The following FAM149A variants were observed in gnomAD, a reference collection of about 807,000 sequenced individuals.
FAM149A encodes protein FAM149A.
A neutral mutation model predicts 78.2 loss-of-function variants in FAM149A; 71 were observed. That is an observed-to-expected ratio of 0.91 (90% CI 0.75 to 1.11). The LOEUF is 1.11. FAM149A is among the 50% of genes least tolerant of loss of function. The probability of loss-of-function intolerance (pLI) is 0.00; values close to 1 mark genes in which losing one functional copy is unlikely to be tolerated. For synonymous variants in FAM149A, 446 were observed against 410.5 expected (o/e 1.09, Z -1.04); for missense variants, 1,036 against 971.0 (o/e 1.07, Z -0.89).
chr4:186,162,297 G>C (rs995970448), intron 8 of FAM149A, among the ~76,000 whole-genome samples: 1 of 152,234 alleles, frequency 6.6e-6, no homozygotes, highest in East Asian at 1.9e-4. Context: ...AGAGAACCCA[G>C]GCAAGTGTGG....
intron 1 of FAM149A, chr4:186,109,432 C>T (rs1238848829): frequency 4.2e-6 from 4 of 962,826 alleles, no homozygotes; most frequent in African/African-American, 3.5e-5. Flanking sequence ...GGACTTATCT[C>T]GATTCCTCTG....
intron 8 of FAM149A, among the ~76,000 whole-genome samples, chr4:186,161,694 A>G (rs1395229641): frequency 6.6e-6 from 1 of 152,092 alleles, no homozygotes; most frequent in Non-Finnish European, 1.5e-5. Flanking sequence ...CTTTGTTTGG[A>G]TAAATGTTAA....
chr4:186,149,931 G>T (rs1211825737), intron 3 of FAM149A, among the ~76,000 whole-genome samples: 2 of 152,146 alleles, frequency 1.3e-5, no homozygotes, highest in Non-Finnish European at 1.5e-5. Context: ...TTAGCTGCCC[G>T]CAGTTTTCTT....
chr4:186,124,558 T>C (rs13132790), intron 1 of FAM149A, among the ~76,000 whole-genome samples: 74,206 of 151,446 alleles, frequency 0.49, 18,352 homozygotes, highest in Admixed American at 0.53. Context: ...ATGATGGTTT[T>C]CAGCGTCATC....
chr4:186,174,524 T>G lies in FAM149A; in HGVS notation c.*2537T>G, dbSNP rs1320834785. 1.8e-5 allele frequency among the ~76,000 whole-genome samples: 2 copies of G among 111,822 alleles called. 1 individual carries two copies. The highest frequency in any genetic ancestry group is 4.4e-4 in the East Asian group (2 of 4,530). 73.4% of individuals were successfully genotyped at this position (111,822 alleles called of 152,430 possible). On this transcript the variant is annotated 3_prime_UTR_variant, in exon 14 of 14. Transcript: ENST00000389354. ...AAAATGTTTTTTCTTTGAAAACCAC[T>G]GAATATACTTTATGGTAGCTTTACC...
chr4:186,136,955 TC>T (rs1579837513), intron 1 of FAM149A, among the ~76,000 whole-genome samples: 7 of 105,584 alleles, frequency 6.6e-5, no homozygotes, highest in East Asian at 2.6e-4. Flanking sequence ...TCTCTCTCTC[TC>T]TCTCTCTTTC....
intron 1 of FAM149A, among the ~76,000 whole-genome samples, chr4:186,124,525 G>A (rs922671011): frequency 1.3e-5 from 2 of 149,828 alleles, no homozygotes; most frequent in African/African-American, 4.9e-5. Context: ...TTGGGTTTCT[G>A]TCCTTGTGAC....
At position 186,174,455 on chromosome 4, in the gene FAM149A, C is replaced by G. The variant is rs1032649752; in HGVS notation, c.*2468C>G. ...TCAAGCTTCGTAGTAGGGAAAACAC[C>G]GGATATTCAGTCTAAACTAACATTA... On this transcript the variant is annotated 3_prime_UTR_variant, in exon 14 of 14. Transcript: ENST00000389354. 3.6e-5 allele frequency among the ~76,000 whole-genome samples: 4 copies of G among 111,494 alleles called. 1 individual carries two copies. The highest frequency in any genetic ancestry group is 4.5e-4 in the East Asian group (2 of 4,492). 73.1% of individuals were successfully genotyped at this position (111,494 alleles called of 152,430 possible).
At chr4:186,127,174 C>T in intron 1 of FAM149A, 1 of 981,014 alleles carries the variant, frequency 1.0e-6, no homozygotes, top group Non-Finnish European at 1.2e-6. Flanking sequence ...CTCTCGCCAA[C>T]TCCACCCTGA....
Position 186,153,819 on chromosome 4 carries a change from G to A in FAM149A, c.1058+49G>A, listed in dbSNP as rs762550860. ...AAAAAGTATTGTTAGCTGTATTTTA[G>A]TTATACTTTTTCATGTTTATCTCAT... On this transcript the variant is annotated intron_variant, in intron 5 of 13. Coordinates refer to ENST00000389354, the MANE Select transcript of FAM149A (RefSeq NM_001367768.3). 6 of 1,555,906 alleles carry A rather than the reference G, an allele frequency of 3.9e-6. No individual in the cohort carries two copies. In the South Asian group the frequency reaches 7.0e-5, roughly 18 times the overall value.
rs751842987 is a variant in FAM149A, at chr4:186,156,172, T to C, written c.1402T>C (p.Trp468Arg). The stretch of plus-strand genomic sequence containing the variant: ...TTTGGAAGAGCTGATTAGAAAACAC[T>C]GGGAAACTACACTCACAGGTACTTA... The change falls in exon 7 of 14, where the codon TGG (tryptophan) becomes CGG (arginine). Residue 468 changes from tryptophan (W) to arginine (R), a missense_variant. Physicochemically the swap from Trp to Arg is moderately radical, Grantham distance 101 (BLOSUM62 -3). Transcript: ENST00000389354. 3 of 1,612,534 alleles carry C rather than the reference T, an allele frequency of 1.9e-6. No individual in the cohort carries two copies. The highest frequency in any genetic ancestry group is 1.3e-5 in the African/African-American group (1 of 74,850).
At chr4:186,145,771 A>T (rs1261103580) in intron 1 of FAM149A, among the ~76,000 whole-genome samples, 1 of 152,334 alleles carries the variant, frequency 6.6e-6, no homozygotes, top group South Asian at 2.1e-4. Context: ...TAGAACTTGC[A>T]TGTCTATGTT....
At position 186,136,964 on chromosome 4, in the gene FAM149A, T is replaced by TTCTCTCTCTCTCTCTCTC. The variant is rs1386094089; in HGVS notation, c.567-12198_567-12197insCTCTCTCTCTCTCTCTCT. On this transcript the variant is annotated intron_variant, in intron 1 of 13. Transcript: ENST00000389354. ...TCTCTCTCTCTCTCTCTCTCTCTCTTTCTCTCTCTCTTTCTCTCTCTCTCT... is the reference window on the plus strand; with the variant it reads ...TCTCTCTCTCTCTCTCTCTCTCTCTTTCTCTCTCTCTCTCTCTCTCTCTCTCTCTTTCTCTCTCTCTCT... Among the ~76,000 whole-genome samples, 7 of 97,110 alleles carry TTCTCTCTCTCTCTCTCTC rather than the reference T, an allele frequency of 7.2e-5. 1 individual carries two copies. The highest frequency in any genetic ancestry group is 1.8e-4 in the African/African-American group (4 of 22,496). 63.7% of individuals were successfully genotyped at this position (97,110 alleles called of 152,430 possible). A position where few individuals can be genotyped will look rare whatever the true frequency, so the allele number is the denominator to read the frequency against.
intron 8 of FAM149A, chr4:186,158,583 C>A: frequency 9.2e-7 from 1 of 1,085,700 alleles, no homozygotes; most frequent in Non-Finnish European, 1.1e-6. Flanking sequence ...TGCTCCAGTG[C>A]CTGCTGAGCA....
chr4:186,136,704 T>C (rs887493439), intron 1 of FAM149A, among the ~76,000 whole-genome samples: 5 of 152,222 alleles, frequency 3.3e-5, no homozygotes, highest in African/African-American at 1.2e-4. Context: ...GTCCTGATAA[T>C]CTGTGCCATG....
At chr4:186,136,976 TTCTCTCTCTCTCTCTCTC>T (rs70964917) in intron 1 of FAM149A, among the ~76,000 whole-genome samples, 160 of 72,106 alleles carry the variant, frequency 2.2e-3, no homozygotes, top group Admixed American at 3.0e-3. Context: ...CTCTCTCTCT[TTCTCTCTCTCTCTCTCTC>T]TCTCTCTCTC....
rs141088571 is a variant in FAM149A at position 186,156,137 on chromosome 4, T to C, written c.1367T>C (p.Met456Thr). 9.9e-5 allele frequency: 160 copies of C among 1,613,784 alleles called. No individual in the cohort carries two copies. The Middle Eastern group carries it at 3.0e-3, about 30-fold the overall frequency. The change falls in exon 7 of 14, where the codon ATG (methionine) becomes ACG (threonine). Residue 456 changes from methionine (M) to threonine (T), a missense_variant. Around this residue, in one of 3 missense-constraint regions of FAM149A, gnomAD observed 716 missense variants for 711.8 expected, o/e 1.01. Coordinates refer to ENST00000389354, the MANE Select transcript of FAM149A (RefSeq NM_001367768.3). ...GTGTTTGATCACGTCTGGACAAATATGGTAGAACTTTTGGAAGAGCTGATT... is the reference window on the plus strand; with the variant it reads ...GTGTTTGATCACGTCTGGACAAATACGGTAGAACTTTTGGAAGAGCTGATT...
chr4:186,110,085 CA>C, intron 1 of FAM149A: 1 of 985,434 alleles, frequency 1.0e-6, no homozygotes, highest in Non-Finnish European at 1.2e-6. Context: ...TGTCCATTAT[CA>C]GACTATAAAC....
At chr4:186,157,776 A>C in intron 8 of FAM149A, 57 bp downstream of exon 8, 1 of 1,572,506 alleles carries the variant, frequency 6.4e-7, no homozygotes, top group Non-Finnish European at 8.6e-7. Flanking sequence ...CTGTCACCTC[A>C]GTTTGTCGTT....
Sources: gnomAD v4.1 joint callset for allele counts (sites outside exome capture counted in the v4.1 genomes callset) on GRCh38, gnomAD v4.1.1 for gene constraint, gnomAD v4.1.1 regional missense constraint, MANE v1.5 for transcripts, NCBI Gene and HGNC (gene_info 2026-07-23, HGNC 2026-07-21) for gene names.